RAB11FIP4: variants seen among roughly 807,000 people sequenced by gnomAD.
The protein encoded by RAB11FIP4 is RAB11 family interacting protein 4, also known as rab11 family-interacting protein 4.
RAB11FIP4 carries 23 observed loss-of-function variants against 74.3 expected under a neutral mutation model. That is an observed-to-expected ratio of 0.31 (90% CI 0.22 to 0.44). The LOEUF (loss-of-function observed/expected upper bound fraction) is 0.44. Ranked by LOEUF, RAB11FIP4 falls within the 20% of genes least tolerant of loss-of-function variation. The pLI is 1.00. For synonymous variants in RAB11FIP4, 360 were observed against 359.9 expected, an observed-to-expected ratio of 1.00 and a Z score of 0.00; for missense variants, 630 against 863.9, an observed-to-expected ratio of 0.73 and a Z score of 3.39.
At chr17:31,451,479 A>AT (rs1414390366) in intron 3 of RAB11FIP4, among the ~76,000 whole-genome samples, 29 of 151,184 alleles carry the variant, frequency 1.9e-4, no homozygotes, top group Non-Finnish European at 2.1e-4. Flanking sequence ...AAAAAAAAAA[A>AT]AATTGTAAGT....
chr17:31,521,723 G>A, intron 5 of RAB11FIP4, 192 bp from the exon 6 acceptor site: 1 of 655,300 alleles, frequency 1.5e-6, no homozygotes, highest in Non-Finnish European at 2.6e-6. Context: ...TGTTAAATGG[G>A]TATGCCTCAC....
chr17:31,442,970 A>AG, intron 3 of RAB11FIP4, among the ~76,000 whole-genome samples: 1 of 151,958 alleles, frequency 6.6e-6, no homozygotes, highest in East Asian at 1.9e-4. Flanking sequence ...AAAAAAAAAA[A>AG]AAAAGAAAAG....
rs2071728270 is a variant in RAB11FIP4 at position 31,470,660 on chromosome 17, G to A, written c.336+36538G>A. ...TGAGTGCTGCCTAAGCACCTACCAT[G>A]TGCCACCCACTCTGCTAGGTGCATG... On this transcript the variant is annotated intron_variant, in intron 3 of 14. Transcript: ENST00000621161. Among the ~76,000 whole-genome samples, 3 of 152,244 alleles carry A rather than the reference G, an allele frequency of 2.0e-5. No homozygotes were observed. In the South Asian group the frequency reaches 6.2e-4, roughly 31 times the overall value.
chr17:31,533,847 C>G lies in RAB11FIP4; in HGVS notation c.*2115C>G, dbSNP rs554315663. On this transcript the variant is annotated 3_prime_UTR_variant, in exon 15 of 15. Transcript: ENST00000621161. The stretch of plus-strand genomic sequence containing the variant: ...GAGGGAGCCGGCGTCTGAAAGGCCC[C>G]CGGGACCTGCTGCAGTGCCAGAGGG... The G allele has an allele frequency of 2.0e-5, 3 of 152,178 alleles. No individual in the cohort carries two copies. Among genetic ancestry groups the G allele is most frequent in the African/African-American group, 7.2e-5 (3 of 41,432 alleles). 9.4% of individuals were successfully genotyped at this position (152,178 alleles called of 1,614,324 possible).
intron 1 of RAB11FIP4, among the ~76,000 whole-genome samples, chr17:31,395,496 T>A (rs2070920536): frequency 6.6e-6 from 1 of 152,200 alleles, no homozygotes; most frequent in South Asian, 2.1e-4. Context: ...GATGATGGCA[T>A]ACACCCTTGG....
At chr17:31,507,885 G>A (rs1183283956) in intron 3 of RAB11FIP4, among the ~76,000 whole-genome samples, 1 of 152,096 alleles carries the variant, frequency 6.6e-6, no homozygotes, top group Non-Finnish European at 1.5e-5. Flanking sequence ...TGCCCAGGCT[G>A]GAGTGCAGTG....
At chr17:31,411,998 G>A (rs1303265822) in intron 1 of RAB11FIP4, among the ~76,000 whole-genome samples, 2 of 152,228 alleles carry the variant, frequency 1.3e-5, no homozygotes, top group Non-Finnish European at 2.9e-5. Flanking sequence ...CTCATGAGGG[G>A]CCGTGTGAGG....
At chr17:31,471,769 C>T (rs923525166) in intron 3 of RAB11FIP4, among the ~76,000 whole-genome samples, 1 of 152,176 alleles carries the variant, frequency 6.6e-6, no homozygotes, top group South Asian at 2.1e-4. Context: ...GAGAGCCTGA[C>T]GCTCAAGTTG....
intron 1 of RAB11FIP4, among the ~76,000 whole-genome samples, chr17:31,403,559 T>C (rs2071015599): frequency 6.6e-6 from 1 of 152,138 alleles, no homozygotes; most frequent in African/African-American, 2.4e-5. Context: ...CCTGACCTTG[T>C]GATCCACCCA....
chr17:31,402,769 C>A (rs1055132001), intron 1 of RAB11FIP4, among the ~76,000 whole-genome samples: 4 of 151,512 alleles, frequency 2.6e-5, no homozygotes, highest in Non-Finnish European at 5.9e-5. Flanking sequence ...CTACAGGCGC[C>A]CACCATCACT....
chr17:31,440,835 G>C lies in RAB11FIP4; in HGVS notation c.336+6713G>C, dbSNP rs182515763. 6.2e-3 allele frequency among the ~76,000 whole-genome samples: 937 copies of C among 152,158 alleles called. 6 individuals carry two copies. Among genetic ancestry groups the C allele is most frequent in the African/African-American group, 0.021 (882 of 41,526 alleles). On this transcript the variant is annotated intron_variant, in intron 3 of 14. Coordinates refer to ENST00000621161, the MANE Select transcript of RAB11FIP4 (RefSeq NM_032932.6). ...TTATTCTTACATATTTTCTTTTCTG[G>C]AACAGCCTTTTTGTCAAGCTCTATT...
intron 1 of RAB11FIP4, among the ~76,000 whole-genome samples, chr17:31,430,869 G>A (rs1027910844): frequency 3.9e-5 from 6 of 152,230 alleles, no homozygotes; most frequent in African/African-American, 9.6e-5. Context: ...GTGAGCAGAC[G>A]CAGTGATGCT....
chr17:31,506,445 A>C (rs142714013), intron 3 of RAB11FIP4, among the ~76,000 whole-genome samples: 3 of 152,316 alleles, frequency 2.0e-5, no homozygotes, highest in Non-Finnish European at 2.9e-5. Context: ...CATTGTTGTT[A>C]ATTGTAGTAA....
chr17:31,531,555 G>C (rs748711731), intron 14 of RAB11FIP4, 61 bp from the exon 15 acceptor site: 3 of 1,133,464 alleles, frequency 2.6e-6, no homozygotes, highest in Non-Finnish European at 4.0e-6. Context: ...CTGGGAGTCT[G>C]GACTCTGCCT....
chr17:31,494,244 A>G (rs970807360), intron 3 of RAB11FIP4, among the ~76,000 whole-genome samples: 17 of 149,926 alleles, frequency 1.1e-4, no homozygotes, highest in African/African-American at 4.2e-4. Context: ...GTGGAATCTT[A>G]GACAAGTTAT....
At position 31,511,683 on chromosome 17, in the gene RAB11FIP4, C is replaced by T. The variant is rs2072454720; in HGVS notation, c.337-5968C>T. Among the ~76,000 whole-genome samples the T allele has an allele frequency of 2.6e-5, 4 of 152,188 alleles. No homozygotes were observed. The South Asian group carries it at 8.3e-4, about 31-fold the overall frequency. ...GCTGGCGTGTGCCTGTGAGGTGGCTCCCCATGGGGGAGGTGGGGAGGGAGA... is the reference window on the plus strand; with the variant it reads ...GCTGGCGTGTGCCTGTGAGGTGGCTTCCCATGGGGGAGGTGGGGAGGGAGA... On this transcript the variant is annotated intron_variant, in intron 3 of 14. Coordinates refer to ENST00000621161, the MANE Select transcript of RAB11FIP4 (RefSeq NM_032932.6).
intron 3 of RAB11FIP4, among the ~76,000 whole-genome samples, chr17:31,501,411 A>G (rs1292933301): frequency 1.3e-5 from 2 of 152,212 alleles, no homozygotes; most frequent in African/African-American, 4.8e-5. Flanking sequence ...AATGTGCCCA[A>G]ACACTTACTT....
At chr17:31,516,365 G>C (rs911120773) in intron 3 of RAB11FIP4, among the ~76,000 whole-genome samples, 3 of 152,012 alleles carry the variant, frequency 2.0e-5, no homozygotes, top group Non-Finnish European at 4.4e-5. Flanking sequence ...ACAGACTTTT[G>C]TGGTGGTTTT....
intron 3 of RAB11FIP4, among the ~76,000 whole-genome samples, chr17:31,500,152 T>C (rs1025871855): frequency 6.6e-6 from 1 of 152,116 alleles, no homozygotes; most frequent in Non-Finnish European, 1.5e-5. Flanking sequence ...TCACACCCCA[T>C]CCAGGACTTG....
Sources: allele counts gnomAD v4.1 joint callset (sites outside exome capture counted in the v4.1 genomes callset), GRCh38; gene constraint gnomAD v4.1.1; transcripts MANE v1.5; gene names NCBI Gene and HGNC (gene_info 2026-07-23, HGNC 2026-07-21).